PCDHA4: variants seen among roughly 807,000 people sequenced by gnomAD.
PCDHA4 encodes protocadherin alpha-4.
Under a neutral mutation model 61.4 loss-of-function variants are expected in PCDHA4, and 49 were observed. The ratio of observed to expected loss-of-function variants is 0.80; its 90% CI spans 0.63 to 1.01. The LOEUF (loss-of-function observed/expected upper bound fraction) is 1.01, where lower values mean the gene tolerates loss of function less well. Ranked by LOEUF, PCDHA4 falls within the 50% of genes least tolerant of loss-of-function variation. The pLI is 0.00. For synonymous variants in PCDHA4, 590 were observed against 550.3 expected (o/e 1.07, Z -1.01); for missense variants, 1,254 against 1,235.8 (o/e 1.01, Z -0.22).
chr5:141,006,206 A>AT (rs1178693799), intron 3 of PCDHA4, among the ~76,000 whole-genome samples: 16 of 147,954 alleles, frequency 1.1e-4, no homozygotes, highest in East Asian at 5.9e-4. Context: ...GTTATGCCTC[A>AT]TTTTTTTTTA....
At chr5:140,955,716 A>G (rs2095221843) in intron 1 of PCDHA4, among the ~76,000 whole-genome samples, 1 of 152,220 alleles carries the variant, frequency 6.6e-6, no homozygotes, top group African/African-American at 2.4e-5. Flanking sequence ...TAATAGGAAT[A>G]CCATTGAATC....
At position 140,877,565 on chromosome 5, in the gene PCDHA4, T is replaced by C; in HGVS notation, c.2385+67993T>C. On this transcript the variant is annotated intron_variant, in intron 1 of 3. Coordinates refer to ENST00000530339, the MANE Select transcript of PCDHA4 (RefSeq NM_018907.4). ...GAAGCGGCTCTGGTGGATATTAACG[T>C]GTACCTCATCATCGCCATCTGTGCG... 1 of 1,613,742 alleles carries C rather than the reference T, an allele frequency of 6.2e-7. No homozygotes were observed. The highest frequency in any genetic ancestry group is 1.7e-5 in the Admixed American group (1 of 60,024).
chr5:140,929,437 A>G (rs533186503), intron 1 of PCDHA4: 1 of 1,453,986 alleles, frequency 6.9e-7, no homozygotes, highest in Non-Finnish European at 9.2e-7. Context: ...TGAACTAAAC[A>G]CTCCTTCTTA....
chr5:140,845,773 A>G lies in PCDHA4; in HGVS notation c.2385+36201A>G, dbSNP rs1780027224. Among the ~76,000 whole-genome samples, 2 of 149,724 alleles carry G rather than the reference A, an allele frequency of 1.3e-5. 1 individual carries two copies. Among genetic ancestry groups the G allele is most frequent in the Non-Finnish European group, 3.0e-5 (2 of 66,920 alleles). ...TTGTATCAAGTAAGTTAATAGTTAT[A>G]AATTATTAATAATAAACTCTGGCAA... On this transcript the variant is annotated intron_variant, in intron 1 of 3. Transcript: ENST00000530339.
chr5:140,973,815 A>G (rs2096603789), intron 1 of PCDHA4, among the ~76,000 whole-genome samples: 1 of 152,224 alleles, frequency 6.6e-6, no homozygotes, highest in Admixed American at 6.5e-5. Flanking sequence ...CAGAATAGCA[A>G]AGTCAGTTCT....
intron 1 of PCDHA4, chr5:140,851,527 A>C (rs1335605014): frequency 2.2e-6 from 2 of 905,622 alleles, no homozygotes; most frequent in Middle Eastern, 5.6e-4. Context: ...AAAATGCCTG[A>C]CAATGTAGAT....
At chr5:140,882,566 G>C in intron 1 of PCDHA4, 2 of 1,614,252 alleles carry the variant, frequency 1.2e-6, no homozygotes, top group Non-Finnish European at 8.5e-7. Flanking sequence ...TGGGCGGAGC[G>C]CGGAGTGCAG....
At chr5:140,916,821 CT>C (rs1452400361) in intron 1 of PCDHA4, among the ~76,000 whole-genome samples, 3 of 152,170 alleles carry the variant, frequency 2.0e-5, no homozygotes, top group Non-Finnish European at 2.9e-5. Flanking sequence ...TGTGCCACCC[CT>C]ATCCCTCTGG....
At chr5:140,823,022 G>A (rs2150121386) in intron 1 of PCDHA4, 8 of 1,614,116 alleles carry the variant, frequency 5.0e-6, no homozygotes, top group Non-Finnish European at 5.9e-6. Context: ...GACCGCGAGA[G>A]CGTGTCGGTC....
chr5:140,927,939 A>G (rs782391525), intron 1 of PCDHA4: 1 of 1,614,234 alleles, frequency 6.2e-7, no homozygotes, highest in Non-Finnish European at 8.5e-7. Flanking sequence ...CGAACCCAGT[A>G]CCTGAGGACG....
At chr5:140,819,372 T>A (rs1481609844) in intron 1 of PCDHA4, among the ~76,000 whole-genome samples, 2 of 152,162 alleles carry the variant, frequency 1.3e-5, no homozygotes, top group Non-Finnish European at 2.9e-5. Flanking sequence ...CTTGTGTTAG[T>A]ATATTTCTAA....
chr5:140,827,397 T>C (rs1275430890), intron 1 of PCDHA4, among the ~76,000 whole-genome samples: 2 of 152,336 alleles, frequency 1.3e-5, no homozygotes, highest in East Asian at 3.9e-4. Context: ...ATAAATTAAA[T>C]GTGATAAAGA....
Position 140,870,192 on chromosome 5 carries a change from G to T in PCDHA4, c.2385+60620G>T. 6 of 1,614,158 alleles carry T rather than the reference G, an allele frequency of 3.7e-6. No homozygotes were observed. Among genetic ancestry groups the T allele is most frequent in the Non-Finnish European group, 5.1e-6 (6 of 1,180,034 alleles). ...CCCTCCCAGTACGAGAGGACGCTCAGCCCAGCACGGTCATTGCCCTGATCA... is the reference window on the plus strand; with the variant it reads ...CCCTCCCAGTACGAGAGGACGCTCATCCCAGCACGGTCATTGCCCTGATCA... On this transcript the variant is annotated intron_variant, in intron 1 of 3. Coordinates refer to ENST00000530339, the MANE Select transcript of PCDHA4 (RefSeq NM_018907.4).
At position 140,808,463 on chromosome 5, in the gene PCDHA4, AC is replaced by A. The variant is rs782633052; in HGVS notation, c.1278del (p.Ala427ArgfsTer22). 2 of 1,614,166 alleles carry A rather than the reference AC, an allele frequency of 1.2e-6. No homozygotes were observed. The highest frequency in any genetic ancestry group is 2.2e-5 in the South Asian group (2 of 91,088). ...ESVSAYELVV[T>X]ARDGGSPSLW... Reference sequence around the variant, plus strand: ...CGTGTCAGCCTATGAGCTGGTGGTGACCGCGCGAGACGGGGGCTCGCCTTCG... The same window carrying A: ...CGTGTCAGCCTATGAGCTGGTGGTGACGCGCGAGACGGGGGCTCGCCTTCG... On this transcript the variant is annotated frameshift_variant, in exon 1 of 4. Coordinates refer to ENST00000530339, the MANE Select transcript of PCDHA4 (RefSeq NM_018907.4). LOFTEE classifies it high-confidence loss of function.
At position 140,808,478 on chromosome 5, in the gene PCDHA4, G is replaced by A. The variant is rs782669465; in HGVS notation, c.1291G>A (p.Gly431Ser). Residue 431 changes from glycine (G) to serine (S), a missense_variant, in exon 1 of 4, where the codon GGC (glycine) becomes AGC (serine). Physicochemically the swap from Gly to Ser is moderately conservative, Grantham distance 56. Transcript: ENST00000530339. ...YELVVTARDG[G>S]SPSLWATASV... ...GCTGGTGGTGACCGCGCGAGACGGG[G>A]GCTCGCCTTCGCTGTGGGCCACGGC... is the stretch of plus-strand genomic sequence containing the variant. 1 of 1,614,180 alleles carries A rather than the reference G, an allele frequency of 6.2e-7. No individual in the cohort carries two copies. The highest frequency in any genetic ancestry group is 1.1e-5 in the South Asian group (1 of 91,086).
intron 1 of PCDHA4, chr5:140,884,619 A>G (rs782146160): frequency 3.1e-6 from 5 of 1,614,074 alleles, no homozygotes; most frequent in Non-Finnish European, 4.2e-6. Context: ...GGTTCTGCAG[A>G]GGGAACAGGC....
intron 3 of PCDHA4, among the ~76,000 whole-genome samples, chr5:140,987,107 G>C (rs936936352): frequency 2.0e-5 from 3 of 151,876 alleles, no homozygotes; most frequent in Admixed American, 6.6e-5. Context: ...CCAGCTACTC[G>C]GGAGGCTGAG....
At chr5:140,978,782 A>C (rs782295456) in intron 1 of PCDHA4, 167 bp from the exon 2 acceptor site, 1 of 971,546 alleles carries the variant, frequency 1.0e-6, no homozygotes, top group African/African-American at 1.8e-5. Flanking sequence ...TTTTCTTCTA[A>C]AGTGCTATAT....
At chr5:140,891,371 T>G (rs1483919316) in intron 1 of PCDHA4, among the ~76,000 whole-genome samples, 1 of 152,146 alleles carries the variant, frequency 6.6e-6, no homozygotes, top group African/African-American at 2.4e-5. Context: ...CAGTATACAT[T>G]GCACCATATT....
Sources: gnomAD v4.1 joint callset for allele counts (sites outside exome capture counted in the v4.1 genomes callset) on GRCh38, gnomAD v4.1.1 for gene constraint, MANE v1.5 for transcripts, NCBI Gene and HGNC (gene_info 2026-07-23, HGNC 2026-07-21) for gene names.